Variants in RYR2 observed in about 807,000 individuals in gnomAD.
The protein encoded by RYR2 is ryanodine receptor 2, also known as cardiac muscle ryanodine receptor-calcium release channel.
RYR2 carries 227 observed loss-of-function variants against 601.1 expected under a neutral mutation model. The observed-to-expected ratio is 0.38, with a 90% CI of 0.34 to 0.42. The LOEUF is 0.42. Ranked by LOEUF, RYR2 falls within the 10% of genes least tolerant of loss-of-function variation. The pLI is 1.00. For synonymous variants in RYR2, 2,223 were observed against 2,175.1 expected, an observed-to-expected ratio of 1.02 and a Z score of -0.61; for missense variants, 4,646 against 6,156.5, an observed-to-expected ratio of 0.75 and a Z score of 8.21.
chr1:237,121,302 A>T (rs941322152), intron 1 of RYR2, among the ~76,000 whole-genome samples: 1 of 152,176 alleles, frequency 6.6e-6, no homozygotes, highest in Non-Finnish European at 1.5e-5. Context: ...AAAGGAAGAA[A>T]GCAAGTGTTT....
intron 1 of RYR2, among the ~76,000 whole-genome samples, chr1:237,171,788 C>G (rs903189405): frequency 2.0e-5 from 3 of 152,160 alleles, no homozygotes; most frequent in Admixed American, 2.0e-4. Flanking sequence ...TTGCCACACA[C>G]CCAGTGAGTA....
intron 17 of RYR2, among the ~76,000 whole-genome samples, chr1:237,478,729 A>G (rs1253709576): frequency 6.6e-6 from 1 of 152,208 alleles, no homozygotes; most frequent in Non-Finnish European, 1.5e-5. Flanking sequence ...AAACTGAGAC[A>G]TGGTGAAATT....
chr1:237,047,393 T>TC (rs1180527158), intron 1 of RYR2, among the ~76,000 whole-genome samples: 4 of 150,128 alleles, frequency 2.7e-5, no homozygotes, highest in Non-Finnish European at 4.5e-5. Context: ...TCTAGCCTTT[T>TC]TTTTTTTTTT....
chr1:237,669,826 C>A (rs1048994254), intron 58 of RYR2, among the ~76,000 whole-genome samples: 1 of 149,992 alleles, frequency 6.7e-6, no homozygotes, highest in African/African-American at 2.5e-5. Flanking sequence ...GGCAGAGGGG[C>A]TCCTCACATC....
At chr1:237,748,113 A>C (rs913518770) in intron 80 of RYR2, among the ~76,000 whole-genome samples, 14 of 152,124 alleles carry the variant, frequency 9.2e-5, no homozygotes, top group Non-Finnish European at 1.8e-4. Context: ...TTATTGGGGG[A>C]AGGGGTGTTA....
chr1:237,325,641 T>C (rs762141099), intron 2 of RYR2, among the ~76,000 whole-genome samples: 3 of 152,020 alleles, frequency 2.0e-5, no homozygotes, highest in Non-Finnish European at 4.4e-5. Context: ...TGAGCCGAGA[T>C]TGTACCACTG....
At chr1:237,373,389 T>C (rs1558704944) in intron 6 of RYR2, among the ~76,000 whole-genome samples, 1 of 152,180 alleles carries the variant, frequency 6.6e-6, no homozygotes, top group African/African-American at 2.4e-5. Context: ...CACCGATTGG[T>C]TCATCTGCCT....
At chr1:237,158,573 T>C (rs6690282) in intron 1 of RYR2, among the ~76,000 whole-genome samples, 1,537 of 152,374 alleles carry the variant, frequency 0.01, 22 homozygotes, top group African/African-American at 0.033. Flanking sequence ...TTTCTTCTGC[T>C]ATTCTTAAAA....
intron 53 of RYR2, among the ~76,000 whole-genome samples, chr1:237,656,192 A>C (rs1683226273): frequency 6.6e-6 from 1 of 152,178 alleles, no homozygotes. Flanking sequence ...ACCTTCTAGG[A>C]TACTCTTAAC....
intron 17 of RYR2, among the ~76,000 whole-genome samples, chr1:237,471,601 C>G (rs1270916884): frequency 1.1e-4 from 16 of 152,136 alleles, no homozygotes; most frequent in Admixed American, 9.8e-4. Context: ...CTGGCTGAAT[C>G]AACTGCACAG....
intron 1 of RYR2, among the ~76,000 whole-genome samples, chr1:237,262,977 T>C (rs900890409): frequency 6.6e-5 from 10 of 152,174 alleles, no homozygotes; most frequent in African/African-American, 2.4e-4. Flanking sequence ...ACTGATTCGT[T>C]TAGATTATGT....
intron 1 of RYR2, among the ~76,000 whole-genome samples, chr1:237,042,939 C>T (rs1036579671): frequency 3.3e-5 from 5 of 152,070 alleles, no homozygotes; most frequent in African/African-American, 9.7e-5. Flanking sequence ...CCCGGGCGGC[C>T]GGGGGCAGGG....
chr1:237,518,070 G>C (rs2147833007), intron 24 of RYR2, among the ~76,000 whole-genome samples: 1 of 152,074 alleles, frequency 6.6e-6, no homozygotes, highest in East Asian at 1.9e-4. Context: ...CTATTGATAT[G>C]TTAATCTATC....
intron 84 of RYR2, among the ~76,000 whole-genome samples, chr1:237,765,296 G>T (rs1429455094): frequency 6.8e-6 from 1 of 147,856 alleles, no homozygotes; most frequent in Non-Finnish European, 1.5e-5. Flanking sequence ...AATTCTTCTT[G>T]GAATATAGCA....
At chr1:237,333,280 A>G (rs1646369578) in intron 3 of RYR2, among the ~76,000 whole-genome samples, 1 of 152,242 alleles carries the variant, frequency 6.6e-6, no homozygotes, top group South Asian at 2.1e-4. Flanking sequence ...CCAATGTCAA[A>G]TAGCTCAACG....
intron 2 of RYR2, among the ~76,000 whole-genome samples, chr1:237,272,995 C>T (rs6429003): frequency 0.12 from 17,765 of 152,064 alleles, 1,775 homozygotes; most frequent in African/African-American, 0.27. Flanking sequence ...TTATGGAAGA[C>T]GATTTTCCCA....
In RYR2 at chr1:237,705,271, T is replaced by C. The variant is rs771377754; in HGVS notation, c.9508T>C (p.Phe3170Leu). 1 of 1,606,240 alleles carries C rather than the reference T, an allele frequency of 6.2e-7. No individual in the cohort carries two copies. Among genetic ancestry groups the C allele is most frequent in the African/African-American group, 1.3e-5 (1 of 74,860 alleles). Residue 3170 changes from phenylalanine (F) to leucine (L), a missense_variant, in exon 67 of 105, where the codon TTT becomes CTT. Phe to Leu is a conservative substitution (Grantham distance 22). Transcript: ENST00000366574. ...CTTTGCTGGTGCTTTTCCTGTAGCA[T>C]TTTTGGAAACTCATCTGGACAAACA... ...AAFAGAFPVA[F>L]LETHLDKHNI...
chr1:237,766,456 A>G (rs1433236006), intron 84 of RYR2, among the ~76,000 whole-genome samples: 1 of 151,908 alleles, frequency 6.6e-6, no homozygotes, highest in Non-Finnish European at 1.5e-5. Flanking sequence ...GCCTAATGAT[A>G]GATTAGAGGG....
intron 35 of RYR2, among the ~76,000 whole-genome samples, chr1:237,609,828 A>G (rs1052706827): frequency 5.3e-5 from 8 of 152,102 alleles, no homozygotes; most frequent in African/African-American, 1.9e-4. Context: ...TAATTTACTT[A>G]TTGATTTTAT....
Sources: allele counts gnomAD v4.1 joint callset (sites outside exome capture counted in the v4.1 genomes callset), GRCh38; gene constraint gnomAD v4.1.1; transcripts MANE v1.5; gene names NCBI Gene and HGNC (gene_info 2026-07-23, HGNC 2026-07-21).